The following FIGLA variants were observed in gnomAD, a reference collection of about 807,000 sequenced individuals.
FIGLA encodes the protein folliculogenesis specific bHLH transcription factor.
A neutral mutation model predicts 21.5 loss-of-function variants in FIGLA; 17 were observed. That is an observed-to-expected ratio of 0.79 (90% CI 0.54 to 1.19). FIGLA has a LOEUF of 1.19. FIGLA is among the 50% of genes most tolerant of loss of function. FIGLA has a pLI of 0.00. For missense variants in FIGLA, 282 were observed against 285.0 expected, an observed-to-expected ratio of 0.99 and a Z score of 0.08; for synonymous variants, 129 against 117.6, an observed-to-expected ratio of 1.10 and a Z score of -0.63.
chr2:70,780,279 T>C (rs6709934), intron 3 of FIGLA, among the ~76,000 whole-genome samples: 80,228 of 152,070 alleles, frequency 0.53, 21,905 homozygotes, highest in East Asian at 0.74. Context: ...CAGGATTTCA[T>C]TCCCTGGGTC....
intron 1 of FIGLA, among the ~76,000 whole-genome samples, 183 bp downstream of exon 1, chr2:70,790,225 A>G (rs1428869860): frequency 6.6e-6 from 1 of 152,064 alleles, no homozygotes; most frequent in Admixed American, 6.5e-5. Flanking sequence ...GAGCAGCTGC[A>G]CGGAGGTGCA....
At chr2:70,789,591 C>T (rs1676020131) in intron 1 of FIGLA, among the ~76,000 whole-genome samples, 1 of 152,140 alleles carries the variant, frequency 6.6e-6, no homozygotes, top group Non-Finnish European at 1.5e-5. Flanking sequence ...AGGAACAGCC[C>T]CGGGCGGTAC....
intron 3 of FIGLA, among the ~76,000 whole-genome samples, chr2:70,783,425 T>A (rs1317240773): frequency 1.3e-5 from 2 of 152,204 alleles, no homozygotes; most frequent in Non-Finnish European, 2.9e-5. Flanking sequence ...GGTTCAATTA[T>A]CCTTGGAAAA....
At chr2:70,789,934 C>G (rs1558600237) in intron 1 of FIGLA, among the ~76,000 whole-genome samples, 1 of 152,152 alleles carries the variant, frequency 6.6e-6, no homozygotes, top group Non-Finnish European at 1.5e-5. Context: ...AAAGTCACTT[C>G]CGTCAGGCCC....
intron 1 of FIGLA, among the ~76,000 whole-genome samples, chr2:70,789,199 G>T (rs1363550274): frequency 6.6e-6 from 1 of 152,030 alleles, no homozygotes; most frequent in African/African-American, 2.4e-5. Flanking sequence ...GAAAAAGACT[G>T]GGTGGATATA....
At chr2:70,777,456 C>T in intron 4 of FIGLA, 74 bp from the exon 5 acceptor site, 2 of 1,347,858 alleles carry the variant, frequency 1.5e-6, no homozygotes, top group Non-Finnish European at 2.0e-6. Flanking sequence ...AAGAAATATG[C>T]AAAAAATTAA....
chr2:70,787,837 G>A, intron 1 of FIGLA, 36 bp from the exon 2 acceptor site: 1 of 1,603,030 alleles, frequency 6.2e-7, no homozygotes, highest in Non-Finnish European at 8.5e-7. Flanking sequence ...ACACAGAGAA[G>A]CCAATTTGTA....
chr2:70,785,354 C>G, intron 3 of FIGLA, 61 bp downstream of exon 3: 1 of 1,329,470 alleles, frequency 7.5e-7, no homozygotes. Context: ...TGACTCATAT[C>G]TCAAAGTATA....
Position 70,785,506 on chromosome 2 carries a change from G to A in FIGLA, c.518C>T (p.Pro173Leu), listed in dbSNP as rs267599434. Residue 173 changes from proline to leucine, a missense_variant, in exon 3 of 5, where the codon CCT becomes CTT. By Grantham distance (98) the Pro-to-Leu change is moderately conservative. Coordinates refer to ENST00000332372, the MANE Select transcript of FIGLA (RefSeq NM_001004311.3). ...AFGLKNEEEGPWADGGSGEPA... is the reference protein window; with the variant it reads ...AFGLKNEEEGLWADGGSGEPA... ...CTCACCACTGCCACCATCTGCCCAAGGCCCTTCCTCTTCATTCTTCAAGCC... is the reference window on the plus strand; with the variant it reads ...CTCACCACTGCCACCATCTGCCCAAAGCCCTTCCTCTTCATTCTTCAAGCC... 1.2e-6 allele frequency: 2 copies of A among 1,613,970 alleles called. No individual in the cohort carries two copies. Among genetic ancestry groups the A allele is most frequent in the Non-Finnish European group, 1.7e-6 (2 of 1,179,894 alleles).
Position 70,777,688 on chromosome 2 carries a change from A to T in FIGLA, c.610-17T>A. The T allele has an allele frequency of 7.7e-7, 1 of 1,293,820 alleles. No individual in the cohort carries two copies. The highest frequency in any genetic ancestry group is 1.1e-6 in the Non-Finnish European group (1 of 895,774). 80.1% of individuals were successfully genotyped at this position (1,293,820 alleles called of 1,614,324 possible). ...GAATCTATCCTGCAAAAACAATACA[A>T]AATACAGAAAGGGCTAAACACATCG... On this transcript the variant is annotated splice_polypyrimidine_tract_variant and intron_variant, in intron 3 of 4. Coordinates refer to ENST00000332372, the MANE Select transcript of FIGLA (RefSeq NM_001004311.3).
In FIGLA at chr2:70,790,567, C is replaced by A; in HGVS notation, c.72G>T (p.Glu24Asp). 1 of 1,521,440 alleles carries A rather than the reference C, an allele frequency of 6.6e-7. No individual in the cohort carries two copies. The allele number at this position is 1,521,440 out of a possible 1,614,324, so 94.2% of individuals were successfully genotyped here. A position where few individuals can be genotyped will look rare whatever the true frequency, so the allele number is the denominator to read the frequency against. The change falls in exon 1 of 5, where the codon GAG (glutamate) becomes GAT (aspartate). Residue 24 changes from glutamate to aspartate, a missense_variant. Glu to Asp is a conservative substitution (Grantham distance 45, BLOSUM62 2). Coordinates refer to ENST00000332372, the MANE Select transcript of FIGLA (RefSeq NM_001004311.3). ...PPALLGTPQAEVLEDVLREQF... is the reference protein window; with the variant it reads ...PPALLGTPQADVLEDVLREQF... ...GCTCCCGCAACACGTCCTCCAGCAC[C>A]TCGGCTTGCGGGGTGCCCAGGAGCG... is the stretch of plus-strand genomic sequence containing the variant.
At chr2:70,780,022 C>G (rs1158237534) in intron 3 of FIGLA, among the ~76,000 whole-genome samples, 1 of 152,166 alleles carries the variant, frequency 6.6e-6, no homozygotes, top group Non-Finnish European at 1.5e-5. Flanking sequence ...TAATTTTTCT[C>G]CCTACCAACA....
At chr2:70,782,978 A>G (rs1483266655) in intron 3 of FIGLA, among the ~76,000 whole-genome samples, 2 of 151,178 alleles carry the variant, frequency 1.3e-5, no homozygotes, top group Non-Finnish European at 2.9e-5. Context: ...GAGTTACTTG[A>G]ACCCGGGAGG....
intron 1 of FIGLA, 78 bp from the exon 2 acceptor site, chr2:70,787,879 G>C: frequency 6.9e-7 from 1 of 1,450,046 alleles, no homozygotes; most frequent in Non-Finnish European, 9.4e-7. Context: ...GAAGGGGGTT[G>C]TTTCCACTGC....
rs1207024953 is a variant in FIGLA, at chr2:70,790,616, A to T, written c.23T>A (p.Leu8Gln). Residue 8 changes from leucine to glutamine, a missense_variant, in exon 1 of 5, where the codon CTA becomes CAA. By Grantham distance (113) the Leu-to-Gln change is moderately radical (BLOSUM62 -2). Transcript: ENST00000332372. The part of the protein sequence containing the change: MDPAPGV[L>Q]DPRAAPPALL... Reference sequence around the variant, plus strand: ...CGCGGGCGGCGCGGCGCGGGGATCTAGGACGCCGGGCGCGGGGTCCATGGC... The same window carrying T: ...CGCGGGCGGCGCGGCGCGGGGATCTTGGACGCCGGGCGCGGGGTCCATGGC... The T allele has an allele frequency of 4.2e-6, 6 of 1,429,470 alleles. No individual in the cohort carries two copies. The African/African-American group carries it at 7.4e-5, about 18-fold the overall frequency. 88.5% of individuals were successfully genotyped at this position (1,429,470 alleles called of 1,614,324 possible). A position where few individuals can be genotyped will look rare whatever the true frequency, so the allele number is the denominator to read the frequency against.
intron 1 of FIGLA, among the ~76,000 whole-genome samples, chr2:70,789,711 G>A (rs1209352620): frequency 6.6e-6 from 1 of 152,128 alleles, no homozygotes; most frequent in African/African-American, 2.4e-5. Flanking sequence ...GACTGCAAAC[G>A]CTAGGAAGGA....
rs1244723514 is a variant in FIGLA at position 70,785,438 on chromosome 2, T to C, written c.586A>G (p.Ile196Val). ...CRHSVMSTTE[I>V]ISPTRSLDRF... ...ACCAGACTTCTGGTTGGGGAGATAA[T>C]TTCAGTCGTAGACATCACACTGTGG... is the stretch of plus-strand genomic sequence containing the variant. The change falls in exon 3 of 5, where the codon ATT becomes GTT. Residue 196 changes from isoleucine to valine, a missense_variant. Transcript: ENST00000332372. The C allele has an allele frequency of 6.2e-7, 1 of 1,612,026 alleles. No homozygotes were observed. The highest frequency in any genetic ancestry group is 8.5e-7 in the Non-Finnish European group (1 of 1,178,316).
chr2:70,782,630 T>C (rs1284460944), intron 3 of FIGLA, among the ~76,000 whole-genome samples: 3 of 152,232 alleles, frequency 2.0e-5, no homozygotes, highest in African/African-American at 7.2e-5. Context: ...CAGGGGAATG[T>C]CCTGTTTGTA....
chr2:70,777,384 T>C lies in FIGLA; in HGVS notation c.645-2A>G. 1.3e-6 allele frequency: 2 copies of C among 1,489,088 alleles called. No homozygotes were observed. Among genetic ancestry groups the C allele is most frequent in the South Asian group, 1.4e-5 (1 of 72,470 alleles). The allele number at this position is 1,489,088 out of a possible 1,614,324, so 92.2% of individuals were successfully genotyped here. On this transcript the variant is annotated splice_acceptor_variant, in intron 4 of 4. Coordinates refer to ENST00000332372, the MANE Select transcript of FIGLA (RefSeq NM_001004311.3). LOFTEE classifies it high-confidence loss of function. ...TTCATTTTTCATACTTGTGGAAGTCTGAAACAGAGAAAACATTCCATTATA... is the reference window on the plus strand; with the variant it reads ...TTCATTTTTCATACTTGTGGAAGTCCGAAACAGAGAAAACATTCCATTATA...
Sources: gnomAD v4.1 joint callset for allele counts (sites outside exome capture counted in the v4.1 genomes callset) on GRCh38, gnomAD v4.1.1 for gene constraint, MANE v1.5 for transcripts, NCBI Gene and HGNC (gene_info 2026-07-23, HGNC 2026-07-21) for gene names.